ZC3H18: variants seen among roughly 807,000 people sequenced by gnomAD.
ZC3H18 encodes the protein zinc finger CCCH domain-containing protein 18.
Under a neutral mutation model 106.1 loss-of-function variants are expected in ZC3H18, and 8 were observed. That is an observed-to-expected ratio of 0.08 (90% CI 0.04 to 0.14). The LOEUF (loss-of-function observed/expected upper bound fraction) is 0.14. Among genes scored for constraint, ZC3H18 ranks in the 10% least tolerant of loss-of-function variants. The pLI is 1.00. For synonymous variants in ZC3H18, 635 were observed against 522.1 expected (o/e 1.22, Z -2.95); for missense variants, 1,318 against 1,278.4 (o/e 1.03, Z -0.47).
intron 2 of ZC3H18, 72 bp downstream of exon 2, chr16:88,577,798 A>C: frequency 6.2e-7 from 1 of 1,608,020 alleles, no homozygotes; most frequent in Non-Finnish European, 8.5e-7. Context: ...GCTGGAAAGG[A>C]GGGACTCTGT....
intron 6 of ZC3H18, among the ~76,000 whole-genome samples, chr16:88,602,408 C>T (rs1904795603): frequency 6.6e-6 from 1 of 152,216 alleles, no homozygotes; most frequent in Non-Finnish European, 1.5e-5. Flanking sequence ...GAGGAGAGTG[C>T]AACCTGGATT....
chr16:88,575,385 G>T (rs544435456), intron 1 of ZC3H18, among the ~76,000 whole-genome samples: 6 of 152,000 alleles, frequency 3.9e-5, no homozygotes, highest in Non-Finnish European at 8.8e-5. Context: ...TTGCCGAGAT[G>T]CCGAGCAGTG....
At chr16:88,630,671 C>G (rs1906608314) in intron 17 of ZC3H18, 90 bp downstream of exon 17, 2 of 1,141,170 alleles carry the variant, frequency 1.8e-6, no homozygotes, top group East Asian at 2.6e-5. Flanking sequence ...AGGGCTAGCA[C>G]TGGGCCAGGC....
intron 8 of ZC3H18, among the ~76,000 whole-genome samples, chr16:88,616,886 T>G (rs907927567): frequency 1.3e-5 from 2 of 152,228 alleles, no homozygotes; most frequent in Non-Finnish European, 1.5e-5. Flanking sequence ...TACACCCTAG[T>G]GAAGCGCAGT....
rs1184492058 is a variant in ZC3H18, at chr16:88,627,439, C to CT, written c.2109-182dup. 2 of 725,038 alleles carry CT rather than the reference C, an allele frequency of 2.8e-6. No individual in the cohort carries two copies. The highest frequency in any genetic ancestry group is 3.3e-5 in the Admixed American group (1 of 30,122). 44.9% of individuals were successfully genotyped at this position (725,038 alleles called of 1,614,324 possible). Reference sequence around the variant, plus strand: ...TTGATTAGTGAAATGGGGCCCTGGCCTAGCCATGGGGACGTCCCTTACTTT... The same window carrying CT: ...TTGATTAGTGAAATGGGGCCCTGGCCTTAGCCATGGGGACGTCCCTTACTTT... On this transcript the variant is annotated intron_variant, in intron 13 of 17. Transcript: ENST00000301011. The surrounding 1 kb of genome is among the most constrained non-coding windows in gnomAD (Gnocchi z 4.5).
chr16:88,608,503 A>T (rs1276169916), intron 6 of ZC3H18: 10 of 153,854 alleles, frequency 6.5e-5, no homozygotes, highest in Admixed American at 6.5e-4. Context: ...AGCTGGGATT[A>T]CAGGCATGTG....
At position 88,587,177 on chromosome 16, in the gene ZC3H18, A is replaced by C. The variant is rs191360399; in HGVS notation, c.688+493A>C. On this transcript the variant is annotated intron_variant, in intron 3 of 17. Coordinates refer to ENST00000301011, the MANE Select transcript of ZC3H18 (RefSeq NM_144604.4). ...TGAAGGCAGCAGGGCTCTCTCCTGT[A>C]GAAGGAATGGTGTGAGTTCAGGAGC... is the stretch of plus-strand genomic sequence containing the variant. 1.4e-3 allele frequency among the ~76,000 whole-genome samples: 212 copies of C among 152,332 alleles called. 8 individuals are homozygous for C. The highest frequency in any genetic ancestry group is 0.014 in the Admixed American group (210 of 15,288).
At chr16:88,604,547 G>A (rs531879036) in intron 6 of ZC3H18, among the ~76,000 whole-genome samples, 45 of 151,888 alleles carry the variant, frequency 3.0e-4, no homozygotes, top group African/African-American at 2.4e-4. Flanking sequence ...TTAGCCAGGC[G>A]TGGTGGCGGA....
intron 7 of ZC3H18, among the ~76,000 whole-genome samples, chr16:88,609,840 A>AT (rs2142741355): frequency 6.6e-6 from 1 of 152,276 alleles, no homozygotes; most frequent in Non-Finnish European, 1.5e-5. Flanking sequence ...ATCTCAGGTG[A>AT]TCTGCCTATC....
At chr16:88,622,624 C>G (rs1357777300) in intron 9 of ZC3H18, 3 of 519,374 alleles carry the variant, frequency 5.8e-6, no homozygotes, top group Non-Finnish European at 1.0e-5. Context: ...GCGACTGAGC[C>G]TGACTGCTCC....
chr16:88,577,000 G>T, intron 1 of ZC3H18, 110 bp from the exon 2 acceptor site: 1 of 1,155,258 alleles, frequency 8.7e-7, no homozygotes, highest in Non-Finnish European at 1.2e-6. Context: ...GGGCAGGGCC[G>T]TGTGGGACCA....
intron 2 of ZC3H18, among the ~76,000 whole-genome samples, chr16:88,581,937 C>G (rs2142558801): frequency 6.6e-6 from 1 of 152,338 alleles, no homozygotes; most frequent in African/African-American, 2.4e-5. Flanking sequence ...GTGTTTATAT[C>G]TGACTTGACA....
chr16:88,625,945 CCT>C (rs1906283923), intron 13 of ZC3H18: 1 of 152,050 alleles, frequency 6.6e-6, no homozygotes, highest in Non-Finnish European at 1.5e-5. Flanking sequence ...ACCTCAGCCC[CCT>C]GAGTAGCTGA....
At chr16:88,614,015 G>A (rs751539825) in intron 8 of ZC3H18, among the ~76,000 whole-genome samples, 1 of 152,216 alleles carries the variant, frequency 6.6e-6, no homozygotes, top group Non-Finnish European at 1.5e-5. Context: ...GGGGTGAAAT[G>A]CAAGGAGGGA....
chr16:88,620,040 G>T (rs1905862445), intron 8 of ZC3H18, among the ~76,000 whole-genome samples: 1 of 152,216 alleles, frequency 6.6e-6, no homozygotes, highest in African/African-American at 2.4e-5. Flanking sequence ...CTGAAGCTGT[G>T]ATGTCGCGTG....
At chr16:88,605,933 C>CAGTGCT (rs1242584110) in intron 6 of ZC3H18, among the ~76,000 whole-genome samples, 1 of 152,236 alleles carries the variant, frequency 6.6e-6, no homozygotes, top group Non-Finnish European at 1.5e-5. Flanking sequence ...CTCCACGTGC[C>CAGTGCT]AGTGCTGAGT....
intron 8 of ZC3H18, among the ~76,000 whole-genome samples, chr16:88,619,944 G>A (rs1905858058): frequency 6.6e-6 from 1 of 152,182 alleles, no homozygotes; most frequent in Admixed American, 6.5e-5. Flanking sequence ...TCATCAGACA[G>A]GTGTTTACTT....
chr16:88,593,281 C>T (rs1352822232), intron 3 of ZC3H18, among the ~76,000 whole-genome samples: 4 of 152,162 alleles, frequency 2.6e-5, no homozygotes, highest in African/African-American at 9.7e-5. Flanking sequence ...CCACAGTGAG[C>T]ACAGCACCGC....
At chr16:88,577,757 C>T (rs747123115) in intron 2 of ZC3H18, 31 bp downstream of exon 2, 9 of 1,612,064 alleles carry the variant, frequency 5.6e-6, no homozygotes, top group African/African-American at 1.3e-5. Flanking sequence ...CGTCGCGGGG[C>T]ATCCTGCCCA....
Sources: gnomAD v4.1 joint callset for allele counts (sites outside exome capture counted in the v4.1 genomes callset) on GRCh38, gnomAD v4.1.1 for gene constraint, Gnocchi (gnomAD v3.1) non-coding constraint, MANE v1.5 for transcripts, NCBI Gene and HGNC (gene_info 2026-07-23, HGNC 2026-07-21) for gene names.